Variants in PMS1 observed in about 807,000 individuals in gnomAD.
PMS1 encodes PMS1 homolog 1, mismatch repair system component.
Under a neutral mutation model 93.1 loss-of-function variants are expected in PMS1, and 79 were observed. That is an observed-to-expected ratio of 0.85 (90% CI 0.71 to 1.02). PMS1 has a LOEUF of 1.02. Among genes scored for constraint, PMS1 ranks in the 50% least tolerant of loss-of-function variants. The pLI is 0.00. For synonymous variants in PMS1, 335 were observed against 363.4 expected, an observed-to-expected ratio of 0.92 and a Z score of 0.89; for missense variants, 1,064 against 1,085.3, an observed-to-expected ratio of 0.98 and a Z score of 0.28.
intron 9 of PMS1, among the ~76,000 whole-genome samples, chr2:189,861,571 G>C (rs916867943): frequency 2.0e-5 from 3 of 151,744 alleles, no homozygotes; most frequent in African/African-American, 7.3e-5. Flanking sequence ...CCAACATGGC[G>C]AAACCCCATC....
chr2:189,855,062 G>A lies in PMS1; in HGVS notation c.1790G>A (p.Ser597Asn). 6.2e-7 allele frequency: 1 copy of A among 1,613,236 alleles called. No individual in the cohort carries two copies. Among genetic ancestry groups the A allele is most frequent in the Middle Eastern group, 1.7e-4 (1 of 6,056 alleles). The change falls in exon 9 of 13, where the codon AGT (serine) becomes AAT (asparagine). Residue 597 changes from serine (S) to asparagine (N), a missense_variant. Coordinates refer to ENST00000441310, the MANE Select transcript of PMS1 (RefSeq NM_000534.5). ...TTTCTCATAGAAAATCCTAAGACTAGTTTAGAGGATGCAACACTACAAATT... is the reference window on the plus strand; with the variant it reads ...TTTCTCATAGAAAATCCTAAGACTAATTTAGAGGATGCAACACTACAAATT... Reference protein sequence around the residue: ...PQFLIENPKTSLEDATLQIEE... With the variant: ...PQFLIENPKTNLEDATLQIEE...
intron 11 of PMS1, among the ~76,000 whole-genome samples, chr2:189,872,882 C>T (rs938741589): frequency 6.6e-6 from 1 of 152,134 alleles, no homozygotes; most frequent in Admixed American, 6.6e-5. Flanking sequence ...GATCTGCCTG[C>T]CTCGGCCTCC....
intron 4 of PMS1, among the ~76,000 whole-genome samples, chr2:189,816,099 G>T (rs2051272313): frequency 6.6e-6 from 1 of 152,122 alleles, no homozygotes; most frequent in African/African-American, 2.4e-5. Context: ...GTCTCACTGT[G>T]TTGCCCAGTC....
chr2:189,790,060 T>TTA (rs2048712390), intron 1 of PMS1, among the ~76,000 whole-genome samples: 1 of 152,186 alleles, frequency 6.6e-6, no homozygotes, highest in Non-Finnish European at 1.5e-5. Context: ...AAATGCCAAC[T>TTA]TAGAGATTTG....
intron 3 of PMS1, among the ~76,000 whole-genome samples, chr2:189,796,161 C>T (rs934860176): frequency 1.3e-5 from 2 of 152,122 alleles, no homozygotes; most frequent in African/African-American, 4.8e-5. Flanking sequence ...GAGTTCGAGA[C>T]TAGCCTGGCC....
At chr2:189,829,992 A>G (rs1321797962) in intron 5 of PMS1, among the ~76,000 whole-genome samples, 11 of 152,206 alleles carry the variant, frequency 7.2e-5, no homozygotes, top group East Asian at 1.9e-4. Flanking sequence ...GTCAGATCAT[A>G]TAACTCATGT....
At chr2:189,807,740 G>A (rs1481205359) in intron 4 of PMS1, among the ~76,000 whole-genome samples, 3 of 152,190 alleles carry the variant, frequency 2.0e-5, no homozygotes. Flanking sequence ...CCTTAAGTAA[G>A]TGAGACCAGG....
At chr2:189,811,398 G>A (rs1485712012) in intron 4 of PMS1, among the ~76,000 whole-genome samples, 3 of 151,906 alleles carry the variant, frequency 2.0e-5, no homozygotes, top group Admixed American at 2.0e-4. Context: ...GACCAGCCTG[G>A]CCAAAATGGT....
In PMS1 at chr2:189,808,210, A is replaced by T. The variant is rs893984283; in HGVS notation, c.418+2456A>T. Among the ~76,000 whole-genome samples the T allele has an allele frequency of 4.6e-5, 7 of 152,192 alleles. 1 individual carries two copies. The highest frequency in any genetic ancestry group is 6.8e-3 in the Middle Eastern group (2 of 294). On this transcript the variant is annotated intron_variant, in intron 4 of 12. Transcript: ENST00000441310. Reference sequence around the variant, plus strand: ...CATCCCTGCTTAGCATTTACTCTTCATGTCATCTGATATAATGATACCTGT... The same window carrying T: ...CATCCCTGCTTAGCATTTACTCTTCTTGTCATCTGATATAATGATACCTGT...
At chr2:189,844,363 G>A (rs1232988687) in intron 6 of PMS1, among the ~76,000 whole-genome samples, 1 of 152,022 alleles carries the variant, frequency 6.6e-6, no homozygotes, top group African/African-American at 2.4e-5. Context: ...AAAATAGTTG[G>A]CTGGGCATGG....
At chr2:189,812,929 A>G (rs1399979059) in intron 4 of PMS1, among the ~76,000 whole-genome samples, 2 of 152,154 alleles carry the variant, frequency 1.3e-5, no homozygotes, top group Non-Finnish European at 2.9e-5. Flanking sequence ...GGTAGTTTGT[A>G]CCTTACCATT....
At chr2:189,796,896 G>T (rs779141932) in intron 3 of PMS1, among the ~76,000 whole-genome samples, 1 of 152,164 alleles carries the variant, frequency 6.6e-6, no homozygotes, top group Non-Finnish European at 1.5e-5. Flanking sequence ...ATATCCAGAA[G>T]TAGACTTGCT....
At chr2:189,873,086 G>A (rs976022740) in intron 11 of PMS1, among the ~76,000 whole-genome samples, 1 of 152,114 alleles carries the variant, frequency 6.6e-6, no homozygotes, top group South Asian at 2.1e-4. Flanking sequence ...TAATTCGTAA[G>A]TTAAAATCAC....
intron 4 of PMS1, chr2:189,806,385 T>C (rs2050344890): frequency 6.3e-6 from 2 of 315,964 alleles, no homozygotes; most frequent in African/African-American, 2.2e-5. Flanking sequence ...TGATATCTTA[T>C]GTTTTTTATT....
rs572576186 is a variant in PMS1 at position 189,805,516 on chromosome 2, G to C, written c.316-136G>C. On this transcript the variant is annotated intron_variant, in intron 3 of 12. Transcript: ENST00000441310. ...TGTAACTCTAAGGAATATTACAAAA[G>C]AACTGGTCACAAATGTTTATTAGGT... 1.2e-5 allele frequency: 9 copies of C among 760,642 alleles called. No homozygotes were observed. The African/African-American group carries it at 1.4e-4, about 12-fold the overall frequency. The allele number at this position is 760,642 out of a possible 1,614,324, so 47.1% of individuals were successfully genotyped here. A position where few individuals can be genotyped will look rare whatever the true frequency, so the allele number is the denominator to read the frequency against.
chr2:189,842,819 G>A (rs1371551396), intron 5 of PMS1, among the ~76,000 whole-genome samples: 3 of 152,046 alleles, frequency 2.0e-5, no homozygotes, highest in Admixed American at 6.6e-5. Context: ...CTGGTGTGTG[G>A]CATTGTTAGG....
chr2:189,864,277 T>A (rs200211296), intron 10 of PMS1, 49 bp downstream of exon 10: 375 of 1,230,582 alleles, frequency 3.0e-4, no homozygotes, highest in Admixed American at 1.0e-3. Flanking sequence ...ATTATAATAG[T>A]TCATACTAGA....
Position 189,854,458 on chromosome 2 carries a change from A to G in PMS1, c.1186A>G (p.Asn396Asp), listed in dbSNP as rs2055107652. Residue 396 changes from asparagine to aspartate, a missense_variant, in exon 9 of 13, where the codon AAT (asparagine) becomes GAT (aspartate). Coordinates refer to ENST00000441310, the MANE Select transcript of PMS1 (RefSeq NM_000534.5). ...SVIPFQNDMH[N>D]DESGKNTDDC... is the part of the protein sequence containing the mutation. ...CATTCCATTCCAAAATGATATGCAT[A>G]ATGATGAATCTGGAAAAAACACTGA... The G allele has an allele frequency of 6.2e-7, 1 of 1,612,798 alleles. No individual in the cohort carries two copies. The highest frequency in any genetic ancestry group is 8.5e-7 in the Non-Finnish European group (1 of 1,178,968).
In PMS1 at chr2:189,843,828, G is replaced by A. The variant is rs1027816145; in HGVS notation, c.583-136G>A. ...AGAGTTTCTTCTGTCAGACCTCATA[G>A]CTCATGAATCTCTTCTAAGTGATAC... On this transcript the variant is annotated intron_variant, in intron 5 of 12. Coordinates refer to ENST00000441310, the MANE Select transcript of PMS1 (RefSeq NM_000534.5). 1.6e-5 allele frequency: 12 copies of A among 743,864 alleles called. No homozygotes were observed. The African/African-American group carries it at 1.9e-4, about 12-fold the overall frequency. 46.1% of individuals were successfully genotyped at this position (743,864 alleles called of 1,614,324 possible).
Sources: gnomAD v4.1 joint callset for allele counts (sites outside exome capture counted in the v4.1 genomes callset) on GRCh38, gnomAD v4.1.1 for gene constraint, MANE v1.5 for transcripts, NCBI Gene and HGNC (gene_info 2026-07-23, HGNC 2026-07-21) for gene names.